Variants in MARK3 observed in about 807,000 individuals in gnomAD.
MARK3 encodes the protein MAP/microtubule affinity-regulating kinase 3.
Under a neutral mutation model 90.1 loss-of-function variants are expected in MARK3, and 46 were observed. The observed-to-expected ratio is 0.51, with a 90% CI of 0.40 to 0.65. The LOEUF (loss-of-function observed/expected upper bound fraction) is 0.65, where lower values mean the gene tolerates loss of function less well. MARK3 is among the 30% of genes least tolerant of loss of function. The probability of loss-of-function intolerance (pLI) is 0.00; values close to 1 mark genes in which losing one functional copy is unlikely to be tolerated. For synonymous variants in MARK3, 321 were observed against 332.6 expected (o/e 0.97, Z 0.38); for missense variants, 818 against 947.2 (o/e 0.86, Z 1.79).
chr14:103,435,997 T>C (rs1288942679), intron 3 of MARK3, among the ~76,000 whole-genome samples: 4 of 151,694 alleles, frequency 2.6e-5, no homozygotes, highest in African/African-American at 7.3e-5. Context: ...TTCAAGTGAT[T>C]CTCCTGCCTC....
intron 2 of MARK3, among the ~76,000 whole-genome samples, chr14:103,425,532 C>T (rs950875517): frequency 3.3e-5 from 5 of 152,164 alleles, no homozygotes; most frequent in Non-Finnish European, 5.9e-5. Context: ...GCTGGGATTA[C>T]AGGCATGAGC....
intron 16 of MARK3, 102 bp from the exon 17 acceptor site, chr14:103,500,054 T>C (rs1207093392): frequency 1.1e-6 from 1 of 908,202 alleles, no homozygotes; most frequent in Non-Finnish European, 1.8e-6. Context: ...TTGGCTTTGT[T>C]CATTTTATGG....
intron 1 of MARK3, among the ~76,000 whole-genome samples, chr14:103,389,180 T>G (rs1202960926): frequency 6.6e-6 from 1 of 151,206 alleles, no homozygotes; most frequent in South Asian, 2.1e-4. Flanking sequence ...CTGGCTAACA[T>G]GGTGAAACCC....
At chr14:103,407,721 C>T (rs972383684) in intron 2 of MARK3, among the ~76,000 whole-genome samples, 5 of 151,754 alleles carry the variant, frequency 3.3e-5, no homozygotes, top group East Asian at 1.9e-4. Context: ...CCACCATGCC[C>T]GGCTAATTTT....
chr14:103,419,444 T>C (rs1003492278), intron 2 of MARK3, among the ~76,000 whole-genome samples: 53 of 152,336 alleles, frequency 3.5e-4, no homozygotes, highest in Non-Finnish European at 3.7e-4. Flanking sequence ...TACATGGTAA[T>C]GTAAATAACA....
At chr14:103,487,840 A>G (rs2093955858) in intron 14 of MARK3, among the ~76,000 whole-genome samples, 1 of 152,082 alleles carries the variant, frequency 6.6e-6, no homozygotes, top group South Asian at 2.1e-4. Context: ...CGAGGTCAGG[A>G]GTTCAAGACC....
At chr14:103,387,483 T>C (rs1002166395) in intron 1 of MARK3, among the ~76,000 whole-genome samples, 3 of 149,614 alleles carry the variant, frequency 2.0e-5, no homozygotes, top group African/African-American at 7.3e-5. Context: ...TATTTGTTTA[T>C]TTATTTATTT....
intron 2 of MARK3, among the ~76,000 whole-genome samples, chr14:103,420,193 C>T (rs2092148172): frequency 6.6e-6 from 1 of 152,086 alleles, no homozygotes; most frequent in Admixed American, 6.6e-5. Flanking sequence ...AGCCTAATCC[C>T]TATATATAAA....
intron 6 of MARK3, among the ~76,000 whole-genome samples, chr14:103,460,364 C>T (rs1485132156): frequency 6.6e-6 from 1 of 152,080 alleles, no homozygotes; most frequent in Non-Finnish European, 1.5e-5. Context: ...GGATTACAGG[C>T]GTGAGCCACG....
At chr14:103,439,712 G>C (rs2092804475) in intron 3 of MARK3, among the ~76,000 whole-genome samples, 1 of 151,844 alleles carries the variant, frequency 6.6e-6, no homozygotes, top group Admixed American at 6.6e-5. Flanking sequence ...CCCCACCAAT[G>C]TAGTGTAAAG....
chr14:103,480,624 T>A (rs1193775659), intron 14 of MARK3, 134 bp downstream of exon 14: 1 of 587,032 alleles, frequency 1.7e-6, no homozygotes, highest in Non-Finnish European at 3.0e-6. Context: ...GTTAAATTTG[T>A]ATACTAATTT....
At chr14:103,494,147 T>G (rs1362060355) in intron 15 of MARK3, among the ~76,000 whole-genome samples, 1 of 149,664 alleles carries the variant, frequency 6.7e-6, no homozygotes, top group African/African-American at 2.5e-5. Flanking sequence ...GCCAGGAGAA[T>G]CGCTTGAACC....
intron 12 of MARK3, 23 bp downstream of exon 12, chr14:103,468,209 G>A: frequency 1.2e-6 from 2 of 1,607,466 alleles, no homozygotes; most frequent in Non-Finnish European, 1.7e-6. Context: ...GTATCCCAGT[G>A]CCTTCTCTTA....
chr14:103,435,570 G>A (rs376723827), intron 3 of MARK3, among the ~76,000 whole-genome samples: 9 of 151,284 alleles, frequency 5.9e-5, no homozygotes, highest in Admixed American at 2.0e-4. Context: ...CACCACGCCC[G>A]GCTAATTTTT....
intron 14 of MARK3, among the ~76,000 whole-genome samples, chr14:103,483,147 ACTT>A (rs2093857204): frequency 1.3e-5 from 2 of 152,190 alleles, no homozygotes; most frequent in Admixed American, 6.5e-5. Flanking sequence ...TGCACAGATG[ACTT>A]CTTCGGCAAA....
chr14:103,466,743 G>A (rs777296901), intron 10 of MARK3, among the ~76,000 whole-genome samples: 26 of 152,056 alleles, frequency 1.7e-4, no homozygotes, highest in Non-Finnish European at 3.1e-4. Context: ...GGTGGCTCAC[G>A]CCTGTAATCC....
At chr14:103,493,604 G>A (rs2075136715) in intron 15 of MARK3, among the ~76,000 whole-genome samples, 3 of 152,100 alleles carry the variant, frequency 2.0e-5, no homozygotes, top group South Asian at 2.1e-4. Context: ...GCCAGCCGTG[G>A]TGGTTCATGC....
At chr14:103,453,953 G>A (rs562420490) in intron 5 of MARK3, among the ~76,000 whole-genome samples, 1 of 152,324 alleles carries the variant, frequency 6.6e-6, no homozygotes, top group East Asian at 1.9e-4. Context: ...GTCAGTCACG[G>A]CTTTCTGTTC....
At chr14:103,389,382 G>A (rs1199430324) in intron 1 of MARK3, among the ~76,000 whole-genome samples, 3 of 147,306 alleles carry the variant, frequency 2.0e-5, no homozygotes, top group African/African-American at 7.4e-5. Context: ...AAAAAAATTA[G>A]CCAGGTGCGG....
Sources: allele counts gnomAD v4.1 joint callset (sites outside exome capture counted in the v4.1 genomes callset), GRCh38; gene constraint gnomAD v4.1.1; transcripts MANE v1.5; gene names NCBI Gene and HGNC (gene_info 2026-07-23, HGNC 2026-07-21).